AGBL4: variants seen among roughly 807,000 people sequenced by gnomAD.
AGBL4 encodes AGBL carboxypeptidase 4.
AGBL4 carries 58 observed loss-of-function variants against 66.4 expected under a neutral mutation model. That is an observed-to-expected ratio of 0.87 (90% CI 0.71 to 1.09). The LOEUF (loss-of-function observed/expected upper bound fraction) is 1.09, where lower values mean the gene tolerates loss of function less well. AGBL4 is among the 50% of genes least tolerant of loss of function. AGBL4 has a pLI of 0.00. For synonymous variants in AGBL4, 234 were observed against 222.9 expected (o/e 1.05, Z -0.44); for missense variants, 579 against 631.0 (o/e 0.92, Z 0.88).
chr1:49,210,050 G>T lies in AGBL4; in HGVS notation c.377+35720C>A, dbSNP rs540721260. Among the ~76,000 whole-genome samples the T allele has an allele frequency of 2.6e-5, 4 of 152,146 alleles. No homozygotes were observed. In the South Asian group the frequency reaches 8.3e-4, roughly 32 times the overall value. ...AAAAGTGTAAGACGGGGAGAGATTG[G>T]CTAGTGGTCATAGTGGTGACATTCA... On this transcript the variant is annotated intron_variant, in intron 4 of 13. Transcript: ENST00000371839.
At chr1:49,854,332 C>T (rs1646380204) in intron 1 of AGBL4, among the ~76,000 whole-genome samples, 1 of 151,984 alleles carries the variant, frequency 6.6e-6, no homozygotes, top group Non-Finnish European at 1.5e-5. Context: ...AGAAGTGAAG[C>T]AACTGGCCCA....
chr1:49,855,275 T>C (rs1263779571), intron 1 of AGBL4, among the ~76,000 whole-genome samples: 3 of 152,118 alleles, frequency 2.0e-5, no homozygotes, highest in African/African-American at 7.2e-5. Flanking sequence ...GCAAATATTA[T>C]TAAAGCTAAA....
chr1:48,885,655 T>C (rs1650247892), intron 5 of AGBL4, among the ~76,000 whole-genome samples: 1 of 152,204 alleles, frequency 6.6e-6, no homozygotes, highest in Admixed American at 6.5e-5. Context: ...TCTTGACCTA[T>C]CATGGCATTT....
In AGBL4 at chr1:49,392,521, C is replaced by T. The variant is rs111409806; in HGVS notation, c.283-146657G>A. ...GTGAACCACTAATGTACTTGAGGCACAGGCCAGGCAATGACAAAAGAAGTA... is the reference window on the plus strand; with the variant it reads ...GTGAACCACTAATGTACTTGAGGCATAGGCCAGGCAATGACAAAAGAAGTA... On this transcript the variant is annotated intron_variant, in intron 3 of 13. Transcript: ENST00000371839. Among the ~76,000 whole-genome samples the T allele has an allele frequency of 4.3e-3, 652 of 152,334 alleles. 8 individuals are homozygous for T. Among genetic ancestry groups the T allele is most frequent in the African/African-American group, 0.015 (610 of 41,576 alleles).
rs1332520755 is a variant in AGBL4, at chr1:48,571,919, AC to A, written c.1267+15084del. On this transcript the variant is annotated intron_variant, in intron 11 of 13. Coordinates refer to ENST00000371839, the MANE Select transcript of AGBL4 (RefSeq NM_032785.4). ...TCATCAGACACTCAAACAAGAAGCT[AC>A]TCTGTCCTCTCTTGGGGAGGCAGAA... Among the ~76,000 whole-genome samples the A allele has an allele frequency of 1.4e-4, 22 of 152,082 alleles. 2 individuals carry two copies. Among genetic ancestry groups the A allele is most frequent in the Admixed American group, 1.4e-3 (22 of 15,280 alleles).
intron 6 of AGBL4, among the ~76,000 whole-genome samples, chr1:48,753,971 C>T (rs992459404): frequency 6.6e-6 from 1 of 152,152 alleles, no homozygotes; most frequent in Non-Finnish European, 1.5e-5. Flanking sequence ...TGTCACACTG[C>T]GTACATATTT....
intron 4 of AGBL4, among the ~76,000 whole-genome samples, chr1:49,217,555 T>C (rs1340723248): frequency 6.6e-6 from 1 of 152,154 alleles, no homozygotes; most frequent in African/African-American, 2.4e-5. Flanking sequence ...ACTGAGCACA[T>C]TATATGATAT....
chr1:48,551,426 TTTA>T (rs1644246688), intron 11 of AGBL4, among the ~76,000 whole-genome samples: 1 of 152,206 alleles, frequency 6.6e-6, no homozygotes, highest in African/African-American at 2.4e-5. Context: ...CAGTAGCTTT[TTTA>T]TTATCATTAC....
chr1:49,906,103 G>C (rs1373964586), intron 1 of AGBL4, among the ~76,000 whole-genome samples: 2 of 142,150 alleles, frequency 1.4e-5, no homozygotes, highest in Non-Finnish European at 3.0e-5. Flanking sequence ...TTAAGATAAA[G>C]AGAAACAGGA....
At chr1:49,084,975 T>C (rs773102504) in intron 4 of AGBL4, among the ~76,000 whole-genome samples, 3 of 152,178 alleles carry the variant, frequency 2.0e-5, no homozygotes, top group African/African-American at 4.8e-5. Flanking sequence ...AATTTTGTTG[T>C]TGTTGTTGTT....
At position 49,362,878 on chromosome 1, in the gene AGBL4, TA is replaced by T. The variant is rs1644170776; in HGVS notation, c.283-117015del. 2.6e-5 allele frequency among the ~76,000 whole-genome samples: 4 copies of T among 152,136 alleles called. No homozygotes were observed. The South Asian group carries it at 8.3e-4, about 32-fold the overall frequency. ...ACAAGAGAAAATGTCTTTTCAACAT[TA>T]ATTGTAGGATAATCAAGTCTGAAGA... On this transcript the variant is annotated intron_variant, in intron 3 of 13. Transcript: ENST00000371839.
chr1:49,399,557 T>C (rs1347593089), intron 3 of AGBL4, among the ~76,000 whole-genome samples: 2 of 152,168 alleles, frequency 1.3e-5, no homozygotes, highest in African/African-American at 4.8e-5. Flanking sequence ...TGAGGTGATA[T>C]CTCATTGTAG....
chr1:48,669,320 C>T (rs1027552519), intron 6 of AGBL4, among the ~76,000 whole-genome samples: 2 of 152,174 alleles, frequency 1.3e-5, no homozygotes, highest in Admixed American at 6.5e-5. Context: ...AGTGACAAGC[C>T]GTGGAATGGG....
chr1:48,533,981 G>A lies in AGBL4; in HGVS notation c.*192C>T, dbSNP rs577583885. 1 of 898,760 alleles carries A rather than the reference G, an allele frequency of 1.1e-6. No homozygotes were observed. The highest frequency in any genetic ancestry group is 2.3e-5 in the Admixed American group (1 of 43,282). The allele number at this position is 898,760 out of a possible 1,614,324, so 55.7% of individuals were successfully genotyped here. ...ATTTTGTTCCTGAGCTTTTTGAGCTGAAGGCTTACAATTGATTTTCCATTG... is the reference window on the plus strand; with the variant it reads ...ATTTTGTTCCTGAGCTTTTTGAGCTAAAGGCTTACAATTGATTTTCCATTG... On this transcript the variant is annotated 3_prime_UTR_variant, in exon 14 of 14. Coordinates refer to ENST00000371839, the MANE Select transcript of AGBL4 (RefSeq NM_032785.4).
intron 3 of AGBL4, among the ~76,000 whole-genome samples, chr1:49,547,544 G>T (rs1211321738): frequency 6.6e-6 from 1 of 152,150 alleles, no homozygotes; most frequent in African/African-American, 2.4e-5. Context: ...TGTAAAGAAT[G>T]ATGGTGGTAT....
Position 50,023,888 on chromosome 1 carries a change from A to C in AGBL4, c.-92T>G. The C allele has an allele frequency of 1.4e-6, 2 of 1,398,638 alleles. No individual in the cohort carries two copies. The highest frequency in any genetic ancestry group is 2.8e-5 in the South Asian group (2 of 70,294). The allele number at this position is 1,398,638 out of a possible 1,614,324, so 86.6% of individuals were successfully genotyped here. On this transcript the variant is annotated 5_prime_UTR_variant, in exon 1 of 14. Transcript: ENST00000371839. ...TCAGTGGGCTGACAGGAGCTACCTC[A>C]GGAAGACGCGGCACGACGGTTGCCT...
chr1:49,232,520 A>C (rs1442838931), intron 4 of AGBL4, among the ~76,000 whole-genome samples: 4 of 152,008 alleles, frequency 2.6e-5, no homozygotes, highest in Non-Finnish European at 5.9e-5. Flanking sequence ...AACACGTTGA[A>C]ACCCTGTCTC....
intron 2 of AGBL4, among the ~76,000 whole-genome samples, chr1:49,780,309 A>C (rs1644305440): frequency 6.6e-6 from 1 of 152,192 alleles, no homozygotes; most frequent in Admixed American, 6.5e-5. Context: ...AATACATACA[A>C]AGGTAATATA....
At chr1:49,794,791 A>G (rs1644690114) in intron 2 of AGBL4, among the ~76,000 whole-genome samples, 1 of 152,044 alleles carries the variant, frequency 6.6e-6, no homozygotes, top group African/African-American at 2.4e-5. Context: ...TGAATGAAAG[A>G]ATATTTATAA....
Sources: allele counts gnomAD v4.1 joint callset (sites outside exome capture counted in the v4.1 genomes callset), GRCh38; gene constraint gnomAD v4.1.1; transcripts MANE v1.5; gene names NCBI Gene and HGNC (gene_info 2026-07-23, HGNC 2026-07-21).